The following CTNNA2 variants were observed in gnomAD, a reference collection of about 807,000 sequenced individuals.
CTNNA2 encodes the protein catenin alpha-2.
A neutral mutation model predicts 101.0 loss-of-function variants in CTNNA2; 42 were observed. The observed-to-expected ratio is 0.42, with a 90% CI of 0.32 to 0.54. CTNNA2 has a LOEUF of 0.54. Among genes scored for constraint, CTNNA2 ranks in the 20% least tolerant of loss-of-function variants. CTNNA2 has a pLI of 0.14. For missense variants in CTNNA2, 871 were observed against 1,223.1 expected, an observed-to-expected ratio of 0.71 and a Z score of 4.29; for synonymous variants, 450 against 456.4, an observed-to-expected ratio of 0.99 and a Z score of 0.18.
At chr2:79,940,730 T>C (rs1688097810) in intron 7 of CTNNA2, among the ~76,000 whole-genome samples, 1 of 152,238 alleles carries the variant, frequency 6.6e-6, no homozygotes, top group Non-Finnish European at 1.5e-5. Context: ...TAGCCTAGCC[T>C]ACCTTAAATG....
Position 79,956,016 on chromosome 2 carries a change from A to C in CTNNA2, c.1056+46219A>C, listed in dbSNP as rs563208698. Among the ~76,000 whole-genome samples, 17 of 152,358 alleles carry C rather than the reference A, an allele frequency of 1.1e-4. No individual in the cohort carries two copies. The East Asian group carries it at 3.3e-3, about 29-fold the overall frequency. On this transcript the variant is annotated intron_variant, in intron 7 of 18. Coordinates refer to ENST00000402739, the MANE Select transcript of CTNNA2 (RefSeq NM_001282597.3). ...TTCACCAGAATAACAGGATGTGTGC[A>C]ATTCCTGTTTATGCTTAAACTGCTG...
chr2:79,541,715 C>T (rs1340534509), intron 1 of CTNNA2, among the ~76,000 whole-genome samples: 1 of 140,392 alleles, frequency 7.1e-6, no homozygotes, highest in East Asian at 2.1e-4. Flanking sequence ...CAACCTCCAC[C>T]TCCTGGGGTC....
At chr2:79,286,138 C>T (rs1370816483) in intron 2 of CTNNA2, among the ~76,000 whole-genome samples, 2 of 152,064 alleles carry the variant, frequency 1.3e-5, no homozygotes, top group Non-Finnish European at 2.9e-5. Flanking sequence ...TATTTTGAGC[C>T]TGTGTGTGTC....
chr2:80,577,399 G>C (rs1294922001), intron 13 of CTNNA2, among the ~76,000 whole-genome samples: 1 of 152,134 alleles, frequency 6.6e-6, no homozygotes, highest in Non-Finnish European at 1.5e-5. Flanking sequence ...CGGTACTCAG[G>C]TGGAGCATGT....
intron 4 of CTNNA2, among the ~76,000 whole-genome samples, chr2:79,469,924 T>A (rs1199824460): frequency 5.3e-5 from 8 of 152,154 alleles, no homozygotes; most frequent in Admixed American, 3.3e-4. Context: ...GCCAATATCA[T>A]ACTGAATGGG....
intron 7 of CTNNA2, among the ~76,000 whole-genome samples, chr2:80,280,793 T>C (rs1384984418): frequency 6.6e-6 from 1 of 152,102 alleles, no homozygotes; most frequent in Non-Finnish European, 1.5e-5. Context: ...AATTACCCTT[T>C]TGCCCAGCAT....
intron 2 of CTNNA2, among the ~76,000 whole-genome samples, chr2:79,199,646 T>C (rs1409973026): frequency 6.6e-6 from 1 of 152,180 alleles, no homozygotes; most frequent in East Asian, 1.9e-4. Flanking sequence ...CAGTTTGTGC[T>C]TCTCTAACAA....
chr2:79,837,101 A>AG (rs1462843980), intron 3 of CTNNA2, among the ~76,000 whole-genome samples: 1 of 152,192 alleles, frequency 6.6e-6, no homozygotes, highest in African/African-American at 2.4e-5. Flanking sequence ...GGTTATCTAG[A>AG]GGGACAGAAC....
intron 2 of CTNNA2, among the ~76,000 whole-genome samples, chr2:79,287,970 G>T (rs1035250707): frequency 2.0e-5 from 3 of 152,210 alleles, no homozygotes; most frequent in South Asian, 4.1e-4. Context: ...TTTTAAGCCG[G>T]TCGGAAAAGC....
At chr2:80,358,245 C>G (rs1425219704) in intron 7 of CTNNA2, among the ~76,000 whole-genome samples, 3 of 151,248 alleles carry the variant, frequency 2.0e-5, no homozygotes, top group African/African-American at 7.3e-5. Context: ...CCATTGCTTA[C>G]TAGTATTTTA....
chr2:79,852,142 C>T (rs191110613), intron 3 of CTNNA2, among the ~76,000 whole-genome samples: 17 of 152,230 alleles, frequency 1.1e-4, no homozygotes, highest in Admixed American at 6.5e-4. Context: ...AGGATAATTA[C>T]GCATTTAGAC....
chr2:79,718,913 A>AT (rs1015232676), intron 2 of CTNNA2, among the ~76,000 whole-genome samples: 3 of 149,942 alleles, frequency 2.0e-5, no homozygotes, highest in South Asian at 4.2e-4. Context: ...TAGTTGTTTG[A>AT]TTTTTTTCAT....
At chr2:79,461,267 T>G (rs981315282) in intron 4 of CTNNA2, among the ~76,000 whole-genome samples, 15 of 152,250 alleles carry the variant, frequency 9.9e-5, no homozygotes, top group African/African-American at 3.4e-4. Flanking sequence ...GAAATGTGCT[T>G]GTTCTAAACT....
At chr2:79,985,090 G>A (rs562499353) in intron 7 of CTNNA2, among the ~76,000 whole-genome samples, 2 of 152,204 alleles carry the variant, frequency 1.3e-5, no homozygotes, top group South Asian at 2.1e-4. Context: ...CTGACCCCCA[G>A]CCTGCATGAT....
intron 7 of CTNNA2, among the ~76,000 whole-genome samples, chr2:80,015,965 C>T (rs931612635): frequency 2.0e-5 from 3 of 152,102 alleles, no homozygotes; most frequent in Admixed American, 6.5e-5. Flanking sequence ...AAAGGACAGC[C>T]GTGACTTTAA....
intron 7 of CTNNA2, among the ~76,000 whole-genome samples, chr2:80,118,675 A>C (rs1157897316): frequency 6.6e-6 from 1 of 152,248 alleles, no homozygotes; most frequent in African/African-American, 2.4e-5. Flanking sequence ...TTAACAAAGG[A>C]AGTAGAAAAC....
chr2:80,289,738 G>A (rs1675076038), intron 7 of CTNNA2, among the ~76,000 whole-genome samples: 1 of 152,108 alleles, frequency 6.6e-6, no homozygotes, highest in Non-Finnish European at 1.5e-5. Flanking sequence ...TCACACTAGT[G>A]ACTGTCTAAG....
chr2:79,281,303 A>G (rs1410619932), intron 2 of CTNNA2, among the ~76,000 whole-genome samples: 1 of 152,128 alleles, frequency 6.6e-6, no homozygotes, highest in Non-Finnish European at 1.5e-5. Flanking sequence ...GCTGGTCCCC[A>G]TGGTGGTGAT....
chr2:79,226,026 A>G (rs1674404360), intron 2 of CTNNA2, among the ~76,000 whole-genome samples: 1 of 152,104 alleles, frequency 6.6e-6, no homozygotes, highest in African/African-American at 2.4e-5. Context: ...CTATGTGAGA[A>G]ATCAACTGAG....
Sources: allele counts gnomAD v4.1 joint callset (sites outside exome capture counted in the v4.1 genomes callset), GRCh38; gene constraint gnomAD v4.1.1; transcripts MANE v1.5; gene names NCBI Gene and HGNC (gene_info 2026-07-23, HGNC 2026-07-21).